PTER: variants seen among roughly 807,000 people sequenced by gnomAD.
PTER encodes the protein N-acetyltaurine hydrolase.
In PTER, 38 loss-of-function variants were observed where a neutral mutation model predicts 29.6. The ratio of observed to expected loss-of-function variants is 1.28; its 90% CI spans 0.99 to 1.68. PTER has a LOEUF of 1.68. Ranked by LOEUF, PTER falls within the 40% of genes most tolerant of loss-of-function variation. The pLI is 0.00. For synonymous variants in PTER, 172 were observed against 154.5 expected (o/e 1.11, Z -0.84); for missense variants, 482 against 427.8 (o/e 1.13, Z -1.12).
intron 4 of PTER, among the ~76,000 whole-genome samples, chr10:16,507,328 C>T (rs959887285): frequency 4.0e-5 from 6 of 151,492 alleles, no homozygotes; most frequent in South Asian, 2.1e-4. Context: ...GTAACATGAT[C>T]GGAGTGGGAA....
intron 1 of PTER, among the ~76,000 whole-genome samples, chr10:16,467,637 C>T (rs994936774): frequency 6.6e-5 from 10 of 152,142 alleles, no homozygotes; most frequent in East Asian, 3.9e-4. Context: ...CATGGTGAAA[C>T]GCAGTCTCTA....
At chr10:16,479,008 T>TCACTGCCTGGGTG (rs1835381831) in intron 1 of PTER, among the ~76,000 whole-genome samples, 1 of 151,730 alleles carries the variant, frequency 6.6e-6, no homozygotes, top group Non-Finnish European at 1.5e-5. Context: ...CTTCCTGGGT[T>TCACTGCCTGGGTG]CGTCACTGCC....
intron 4 of PTER, among the ~76,000 whole-genome samples, chr10:16,505,778 G>T (rs185712209): frequency 6.6e-6 from 1 of 152,304 alleles, no homozygotes; most frequent in Admixed American, 6.5e-5. Flanking sequence ...TAAGAAGATT[G>T]AATGAACCAA....
intron 1 of PTER, among the ~76,000 whole-genome samples, chr10:16,439,165 A>G (rs923322792): frequency 2.0e-5 from 3 of 152,156 alleles, no homozygotes; most frequent in Non-Finnish European, 4.4e-5. Flanking sequence ...AGATCAATAA[A>G]TGTGTATTTT....
intron 3 of PTER, among the ~76,000 whole-genome samples, chr10:16,499,566 C>T (rs796079858): frequency 2.6e-5 from 4 of 152,020 alleles, no homozygotes; most frequent in African/African-American, 9.6e-5. Context: ...CTCAGTCTCC[C>T]GAGTAGCTGG....
chr10:16,514,544 A>G (rs1187463729), downstream of PTER: 2 of 1,613,484 alleles, frequency 1.2e-6, no homozygotes, highest in African/African-American at 1.3e-5. Context: ...AGCATAAATA[A>G]TAAATCCAGA....
intron 3 of PTER, among the ~76,000 whole-genome samples, chr10:16,495,096 A>G (rs192778704): frequency 1.1e-3 from 172 of 152,106 alleles, no homozygotes; most frequent in African/African-American, 4.0e-3. Context: ...AATTCCACAT[A>G]GCTGTACAAA....
At chr10:16,466,685 C>T (rs1444964581) in intron 1 of PTER, among the ~76,000 whole-genome samples, 7 of 152,168 alleles carry the variant, frequency 4.6e-5, no homozygotes, top group African/African-American at 1.4e-4. Flanking sequence ...ATTAACAAAA[C>T]GTGGTAGCCA....
intron 1 of PTER, among the ~76,000 whole-genome samples, chr10:16,444,159 G>A (rs1303564134): frequency 6.6e-6 from 1 of 151,964 alleles, no homozygotes; most frequent in East Asian, 1.9e-4. Context: ...GTGCCACCAT[G>A]CCCAGCTAAC....
chr10:16,501,199 G>T (rs1052507625), intron 3 of PTER, among the ~76,000 whole-genome samples: 1 of 152,044 alleles, frequency 6.6e-6, no homozygotes, highest in African/African-American at 2.4e-5. Context: ...CCAAAGTGCT[G>T]GGATTACAGG....
At chr10:16,472,985 A>G (rs560602484) in intron 1 of PTER, among the ~76,000 whole-genome samples, 56 of 151,932 alleles carry the variant, frequency 3.7e-4, no homozygotes, top group Non-Finnish European at 5.9e-4. Context: ...ATAGCTCTCC[A>G]TATTACATAC....
chr10:16,477,349 A>AT (rs34474880), intron 1 of PTER, among the ~76,000 whole-genome samples: 19 of 149,394 alleles, frequency 1.3e-4, no homozygotes, highest in Admixed American at 4.0e-4. Context: ...ATTTTATTTT[A>AT]TTTTTTTTTT....
the PTER span, among the ~76,000 whole-genome samples, chr10:16,518,965 T>G: frequency 7.2e-5 from 11 of 151,938 alleles, no homozygotes; most frequent in Non-Finnish European, 1.5e-5. Context: ...TAATTTTTAT[T>G]TATCTTAATA....
chr10:16,449,765 A>G (rs68151306), intron 1 of PTER, among the ~76,000 whole-genome samples: 26,242 of 151,946 alleles, frequency 0.17, 2,799 homozygotes, highest in Middle Eastern at 0.33. Flanking sequence ...TGAAGGACAT[A>G]TCTTCTGGGC....
At chr10:16,509,893 G>A (rs919247831) in intron 4 of PTER, among the ~76,000 whole-genome samples, 5 of 152,160 alleles carry the variant, frequency 3.3e-5, no homozygotes, top group African/African-American at 1.2e-4. Flanking sequence ...TAAAATATGT[G>A]TTCTCAGAGG....
chr10:16,448,248 A>T (rs1322418873), intron 1 of PTER, among the ~76,000 whole-genome samples: 1 of 152,208 alleles, frequency 6.6e-6, no homozygotes, highest in African/African-American at 2.4e-5. Flanking sequence ...TCTGCCACTG[A>T]CAACTTGGGC....
intron 4 of PTER, among the ~76,000 whole-genome samples, chr10:16,509,158 A>G (rs1836713361): frequency 6.6e-6 from 1 of 152,142 alleles, no homozygotes; most frequent in African/African-American, 2.4e-5. Context: ...CTTTTCTGGC[A>G]GCATCTCTGT....
intron 1 of PTER, chr10:16,437,334 C>A (rs1186538472): frequency 1.4e-5 from 2 of 138,740 alleles, no homozygotes; most frequent in Non-Finnish European, 3.1e-5. Context: ...CTTTAATAAG[C>A]TTTTTTTTTT....
chr10:16,492,062 G>C lies in PTER; in HGVS notation c.698+5445G>C, dbSNP rs1411222676. 5.9e-5 allele frequency among the ~76,000 whole-genome samples: 9 copies of C among 152,166 alleles called. 1 individual carries two copies. Among genetic ancestry groups the C allele is most frequent in the Non-Finnish European group, 8.8e-5 (6 of 68,022 alleles). On this transcript the variant is annotated intron_variant, in intron 3 of 4. Coordinates refer to ENST00000535784, the MANE Select transcript of PTER (RefSeq NM_001261836.2). ...TTAATGAATGGCCATCACCTTAGGA[G>C]ACCTCTTAACTACATTGTTGTCATG...
Sources: gnomAD v4.1 joint callset for allele counts (sites outside exome capture counted in the v4.1 genomes callset) on GRCh38, gnomAD v4.1.1 for gene constraint, MANE v1.5 for transcripts, NCBI Gene and HGNC (gene_info 2026-07-23, HGNC 2026-07-21) for gene names.